Variants in GRM7 observed in about 807,000 individuals in gnomAD.
GRM7 encodes metabotropic glutamate receptor 7.
GRM7 carries 35 observed loss-of-function variants against 84.5 expected under a neutral mutation model. That is an observed-to-expected ratio of 0.41 (90% confidence interval 0.32 to 0.55). The LOEUF (loss-of-function observed/expected upper bound fraction) is 0.55, where lower values mean the gene tolerates loss of function less well. Ranked by LOEUF, GRM7 falls within the 20% of genes least tolerant of loss-of-function variation. The pLI, the probability that GRM7 is intolerant of heterozygous loss-of-function variation, is 0.19. For synonymous variants in GRM7, 487 were observed against 455.1 expected (o/e 1.07, Z -0.89); for missense variants, 1,003 against 1,194.6 (o/e 0.84, Z 2.36).
At chr3:7,121,720 A>G (rs940754562) in intron 1 of GRM7, among the ~76,000 whole-genome samples, 2 of 152,214 alleles carry the variant, frequency 1.3e-5, no homozygotes, top group African/African-American at 4.8e-5. Flanking sequence ...TCAATGAGGA[A>G]GCAGAGATGG....
chr3:6,921,108 T>C (rs572035934), intron 1 of GRM7, among the ~76,000 whole-genome samples: 1 of 152,246 alleles, frequency 6.6e-6, no homozygotes, highest in South Asian at 2.1e-4. Flanking sequence ...CTTCAGCAAA[T>C]GTATTAGTCC....
chr3:7,277,590 A>G (rs928936123), intron 2 of GRM7, among the ~76,000 whole-genome samples: 13 of 152,126 alleles, frequency 8.5e-5, no homozygotes, highest in African/African-American at 3.1e-4. Context: ...TCATGTTGTT[A>G]TCCTTAAGAG....
At chr3:6,893,648 A>G (rs1696057032) in intron 1 of GRM7, among the ~76,000 whole-genome samples, 1 of 152,166 alleles carries the variant, frequency 6.6e-6, no homozygotes, top group Non-Finnish European at 1.5e-5. Context: ...ACAGTCATCA[A>G]TTTTTGTGCC....
chr3:7,059,811 G>A (rs567273908), intron 1 of GRM7, among the ~76,000 whole-genome samples: 1 of 151,872 alleles, frequency 6.6e-6, no homozygotes, highest in South Asian at 2.1e-4. Context: ...GCATTAAGAT[G>A]TCTTCTAAGA....
chr3:7,453,721 A>T (rs546967370), intron 6 of GRM7, among the ~76,000 whole-genome samples: 2 of 152,144 alleles, frequency 1.3e-5, no homozygotes, highest in African/African-American at 4.8e-5. Context: ...TGGGCCTTTT[A>T]TGAAGATTTC....
chr3:7,578,654 A>G lies in GRM7; in HGVS notation c.1748A>G (p.Lys583Arg), dbSNP rs764594980. Residue 583 changes from lysine to arginine, a missense_variant, in exon 8 of 10, where the codon AAA (lysine) becomes AGA (arginine). Coordinates refer to ENST00000357716, the MANE Select transcript of GRM7 (RefSeq NM_000844.4). Reference protein sequence around the residue: ...RTGCQDIPIIKLEWHSPWAVI... With the variant: ...RTGCQDIPIIRLEWHSPWAVI... ...GGATGCCAGGATATTCCCATCATCAAACTGGAGTGGCACTCCCCCTGGGCT... is the reference window on the plus strand; with the variant it reads ...GGATGCCAGGATATTCCCATCATCAGACTGGAGTGGCACTCCCCCTGGGCT... 2.4e-5 allele frequency: 39 copies of G among 1,613,892 alleles called. No individual in the cohort carries two copies. Among genetic ancestry groups the G allele is most frequent in the Non-Finnish European group, 3.0e-5 (35 of 1,179,934 alleles).
At chr3:7,402,981 A>G (rs930535738) in intron 4 of GRM7, 2 of 188,928 alleles carry the variant, frequency 1.1e-5, no homozygotes, top group African/African-American at 4.7e-5. Flanking sequence ...TAGATGTTTG[A>G]TTATATAAGT....
At chr3:7,432,509 A>T (rs1304191559) in intron 5 of GRM7, among the ~76,000 whole-genome samples, 1 of 152,082 alleles carries the variant, frequency 6.6e-6, no homozygotes, top group African/African-American at 2.4e-5. Context: ...TTTAGTAGAG[A>T]TGAGGTTTTA....
chr3:7,645,338 G>A (rs1698574852), intron 8 of GRM7, among the ~76,000 whole-genome samples: 1 of 151,830 alleles, frequency 6.6e-6, no homozygotes, highest in Non-Finnish European at 1.5e-5. Context: ...CACAAGGTCA[G>A]GAGATTGAGA....
At chr3:7,657,415 A>G (rs1699255493) in intron 8 of GRM7, among the ~76,000 whole-genome samples, 1 of 152,212 alleles carries the variant, frequency 6.6e-6, no homozygotes, top group Non-Finnish European at 1.5e-5. Flanking sequence ...TGCATGTGTT[A>G]CTATTTACCC....
At chr3:7,216,597 C>T (rs1296908534) in intron 2 of GRM7, among the ~76,000 whole-genome samples, 1 of 152,160 alleles carries the variant, frequency 6.6e-6, no homozygotes, top group East Asian at 1.9e-4. Flanking sequence ...TTTGTGGTCA[C>T]ATCTTTCAAT....
intron 1 of GRM7, among the ~76,000 whole-genome samples, chr3:7,120,131 T>G (rs570391565): frequency 6.6e-6 from 1 of 151,852 alleles, no homozygotes; most frequent in African/African-American, 2.4e-5. Flanking sequence ...AGGAGGAAAA[T>G]TAGAAAAAGG....
At chr3:7,051,771 C>G (rs1205716516) in intron 1 of GRM7, among the ~76,000 whole-genome samples, 1 of 151,652 alleles carries the variant, frequency 6.6e-6, no homozygotes, top group Non-Finnish European at 1.5e-5. Context: ...TGCAGTAGTT[C>G]CTATTGATTT....
intron 2 of GRM7, among the ~76,000 whole-genome samples, chr3:7,156,577 A>C (rs1398809548): frequency 1.3e-5 from 2 of 152,140 alleles, no homozygotes; most frequent in African/African-American, 4.8e-5. Context: ...GGGAGAACGC[A>C]TCCCCATATC....
intron 8 of GRM7, among the ~76,000 whole-genome samples, chr3:7,651,280 G>A (rs1254009287): frequency 1.3e-5 from 2 of 152,070 alleles, no homozygotes; most frequent in Admixed American, 1.3e-4. Flanking sequence ...ATCCTCCTTG[G>A]GGAAAAAAAG....
At chr3:6,951,782 A>C (rs1692780242) in intron 1 of GRM7, among the ~76,000 whole-genome samples, 1 of 152,198 alleles carries the variant, frequency 6.6e-6, no homozygotes, top group South Asian at 2.1e-4. Flanking sequence ...AGGTCAAGTT[A>C]GTTGATAGTG....
chr3:7,488,836 G>A (rs1427535610), intron 7 of GRM7, among the ~76,000 whole-genome samples: 1 of 137,502 alleles, frequency 7.3e-6, no homozygotes, highest in Admixed American at 7.3e-5. Context: ...CCACATTCTG[G>A]AAACCACTGA....
intron 7 of GRM7, among the ~76,000 whole-genome samples, chr3:7,541,778 C>T (rs980424270): frequency 1.3e-5 from 2 of 152,156 alleles, no homozygotes; most frequent in African/African-American, 2.4e-5. Flanking sequence ...GTCTTCAAGG[C>T]TGCAATAGTT....
intron 1 of GRM7, among the ~76,000 whole-genome samples, chr3:7,122,334 A>G (rs138687454): frequency 3.1e-3 from 469 of 152,318 alleles, no homozygotes; most frequent in Middle Eastern, 0.01. Flanking sequence ...AGCCCTAAGA[A>G]TGAATGTATT....
Sources: gnomAD v4.1 joint callset for allele counts (sites outside exome capture counted in the v4.1 genomes callset) on GRCh38, gnomAD v4.1.1 for gene constraint, MANE v1.5 for transcripts, NCBI Gene and HGNC (gene_info 2026-07-23, HGNC 2026-07-21) for gene names.